Variants in ZNF556 observed in about 807,000 individuals in gnomAD.
ZNF556 encodes the protein zinc finger protein 556.
ZNF556 carries 11 observed loss-of-function variants against 13.6 expected under a neutral mutation model. The observed-to-expected ratio is 0.81, with a 90% CI of 0.51 to 1.33. The LOEUF (loss-of-function observed/expected upper bound fraction) is 1.33. ZNF556 is among the 40% of genes most tolerant of loss of function. The pLI is 0.00. For missense variants in ZNF556, 633 were observed against 566.2 expected, an observed-to-expected ratio of 1.12 and a Z score of -1.20; for synonymous variants, 229 against 207.8, an observed-to-expected ratio of 1.10 and a Z score of -0.88.
intron 1 of ZNF556, among the ~76,000 whole-genome samples, chr19:2,872,165 G>A (rs1008655672): frequency 6.6e-5 from 10 of 151,974 alleles, no homozygotes; most frequent in Non-Finnish European, 1.0e-4. Context: ...GGATAACTGC[G>A]GGCGGGCCTG....
Position 2,867,411 on chromosome 19 carries a change from A to G in ZNF556, c.-11A>G, listed in dbSNP as rs1348565650. On this transcript the variant is annotated 5_prime_UTR_variant, in exon 1 of 4. Coordinates refer to ENST00000307635, the MANE Select transcript of ZNF556 (RefSeq NM_024967.3). ...AGGGAGCTCCTCAAAGAGCTCAGGA[A>G]CGGACAGGACATGGTGAGTGCAGGG... 1.8e-5 allele frequency: 28 copies of G among 1,583,874 alleles called. No homozygotes were observed. In the East Asian group the frequency reaches 6.4e-4, roughly 36 times the overall value.
rs1568355203 is a variant in ZNF556, at chr19:2,878,102, T to C, written c.1144T>C (p.Ser382Pro). Residue 382 changes from serine (S) to proline (P), a missense_variant, in exon 4 of 4, where the codon TCC (serine) becomes CCC (proline). Physicochemically the swap from Ser to Pro is moderately conservative, Grantham distance 74. Transcript: ENST00000307635. The part of the protein sequence containing the change: ...CETCGKTYGW[S>P]SSLHKHERKH... The stretch of plus-strand genomic sequence containing the variant: ...AACGTGTGGGAAAACGTATGGTTGG[T>C]CCTCATCTTTACACAAACATGAGAG... 1 of 1,614,094 alleles carries C rather than the reference T, an allele frequency of 6.2e-7. No homozygotes were observed. The highest frequency in any genetic ancestry group is 2.2e-5 in the East Asian group (1 of 44,878).
chr19:2,872,284 C>G (rs986461631), intron 1 of ZNF556, among the ~76,000 whole-genome samples: 1 of 151,658 alleles, frequency 6.6e-6, no homozygotes, highest in Non-Finnish European at 1.5e-5. Context: ...GGTGTTTTTC[C>G]TTGACACTTA....
chr19:2,873,372 C>A (rs2087821176), intron 1 of ZNF556, 124 bp from the exon 2 acceptor site: 6 of 1,179,980 alleles, frequency 5.1e-6, no homozygotes, highest in Non-Finnish European at 7.2e-6. Flanking sequence ...GGTCTGAGGA[C>A]TGAGTCTTAA....
intron 2 of ZNF556, 106 bp from the exon 3 acceptor site, chr19:2,875,987 A>C: frequency 7.1e-6 from 7 of 989,812 alleles, no homozygotes; most frequent in South Asian, 1.7e-5. Flanking sequence ...TAAATAGATA[A>C]ATAAAATAAA....
chr19:2,873,679 T>G, intron 2 of ZNF556, 57 bp downstream of exon 2: 1 of 1,579,480 alleles, frequency 6.3e-7, no homozygotes, highest in Non-Finnish European at 8.6e-7. Context: ...TTTGTCTGGT[T>G]GCAGTGGTTC....
chr19:2,869,599 C>G (rs1228861401), intron 1 of ZNF556, among the ~76,000 whole-genome samples: 2 of 152,130 alleles, frequency 1.3e-5, no homozygotes, highest in African/African-American at 4.8e-5. Context: ...ATCTCCTGAC[C>G]TCATGATCCG....
intron 1 of ZNF556, among the ~76,000 whole-genome samples, chr19:2,869,378 A>G (rs201116084): frequency 2.0e-5 from 3 of 149,238 alleles, no homozygotes; most frequent in Non-Finnish European, 4.5e-5. Context: ...TAAATTTTTT[A>G]TTTTTTGAGA....
rs752896601 is a variant in ZNF556, at chr19:2,878,692, A to T, written c.*363A>T. ...CTCCATCTCCAAAAAAAGAAAATTC[A>T]TGGCAGGAGAAGAATCTCATGACGT... is the stretch of plus-strand genomic sequence containing the variant. On this transcript the variant is annotated 3_prime_UTR_variant, in exon 4 of 4. Transcript: ENST00000307635. 13 of 172,644 alleles carry T rather than the reference A, an allele frequency of 7.5e-5. No homozygotes were observed. Among genetic ancestry groups the T allele is most frequent in the Non-Finnish European group, 1.4e-4 (11 of 80,098 alleles). The allele number at this position is 172,644 out of a possible 1,614,324, so 10.7% of individuals were successfully genotyped here.
rs762632819 is a variant in ZNF556, at chr19:2,882,923, C to CA, written c.*4596dup. 2 of 152,190 alleles carry CA rather than the reference C, an allele frequency of 1.3e-5. No homozygotes were observed. Among genetic ancestry groups the CA allele is most frequent in the East Asian group, 3.8e-4 (2 of 5,196 alleles). 9.4% of individuals were successfully genotyped at this position (152,190 alleles called of 1,614,324 possible). A position where few individuals can be genotyped will look rare whatever the true frequency, so the allele number is the denominator to read the frequency against. On this transcript the variant is annotated 3_prime_UTR_variant, in exon 4 of 4. Transcript: ENST00000307635. ...AGGTACTTCATCTGGATTTGAACCA[C>CA]AATGTGGGTGTTTGTTTTTAATACC...
In ZNF556 at chr19:2,877,762, C is replaced by G; in HGVS notation, c.804C>G (p.Phe268Leu). ...PYECKHCGKA[F>L]RCQKSFRVHM... ...AGTGCAAGCACTGTGGGAAAGCCTT[C>G]AGGTGTCAGAAATCCTTTCGAGTCC... is the stretch of plus-strand genomic sequence containing the variant. The change falls in exon 4 of 4, where the codon TTC becomes TTG. Residue 268 changes from phenylalanine to leucine, a missense_variant. Transcript: ENST00000307635. 6.2e-7 allele frequency: 1 copy of G among 1,613,582 alleles called. No individual in the cohort carries two copies. The highest frequency in any genetic ancestry group is 8.5e-7 in the Non-Finnish European group (1 of 1,179,708).
In ZNF556 at chr19:2,881,281, C is replaced by T. The variant is rs991768592; in HGVS notation, c.*2952C>T. 2 of 152,112 alleles carry T rather than the reference C, an allele frequency of 1.3e-5. No individual in the cohort carries two copies. Among genetic ancestry groups the T allele is most frequent in the African/African-American group, 2.4e-5 (1 of 41,408 alleles). The allele number at this position is 152,112 out of a possible 1,614,324, so 9.4% of individuals were successfully genotyped here. A position where few individuals can be genotyped will look rare whatever the true frequency, so the allele number is the denominator to read the frequency against. ...AGATAACTAATAAAACAAGTTTAAACTTTATTGGAGCCCAGTAGCAATGGC... is the reference window on the plus strand; with the variant it reads ...AGATAACTAATAAAACAAGTTTAAATTTTATTGGAGCCCAGTAGCAATGGC... On this transcript the variant is annotated 3_prime_UTR_variant, in exon 4 of 4. Coordinates refer to ENST00000307635, the MANE Select transcript of ZNF556 (RefSeq NM_024967.3).
At chr19:2,868,209 T>C (rs954229222) in intron 1 of ZNF556, among the ~76,000 whole-genome samples, 1 of 152,126 alleles carries the variant, frequency 6.6e-6, no homozygotes, top group Non-Finnish European at 1.5e-5. Flanking sequence ...GGCTTAGCCC[T>C]TGACGGGGCT....
In ZNF556 at chr19:2,880,052, A is replaced by T. The variant is rs936356369; in HGVS notation, c.*1723A>T. 7.3e-5 allele frequency: 11 copies of T among 150,828 alleles called. No individual in the cohort carries two copies. Among genetic ancestry groups the T allele is most frequent in the Non-Finnish European group, 1.6e-4 (11 of 67,664 alleles). 9.3% of individuals were successfully genotyped at this position (150,828 alleles called of 1,614,324 possible). ...CTCAAAAATAAATAAATAAAGAATA[A>T]TTTTTTAAAAAAGCACAGGGGATTG... On this transcript the variant is annotated 3_prime_UTR_variant, in exon 4 of 4. Transcript: ENST00000307635.
chr19:2,868,864 A>G (rs2087779230), intron 1 of ZNF556, among the ~76,000 whole-genome samples: 1 of 151,150 alleles, frequency 6.6e-6, no homozygotes, highest in Admixed American at 6.6e-5. Context: ...GATTACAGGC[A>G]CGTGTGGCCA....
chr19:2,877,718 G>A lies in ZNF556; in HGVS notation c.760G>A (p.Ala254Thr), dbSNP rs771188730. ...CTTTCGCGCACATGTGATGATGCAC[G>A]CCGGAGGGAGACCGTATGAGTGCAA... is the stretch of plus-strand genomic sequence containing the variant. ...KSFRAHVMMH[A>T]GGRPYECKHC... Residue 254 changes from alanine to threonine, a missense_variant, in exon 4 of 4, where the codon GCC (alanine) becomes ACC (threonine). By Grantham distance (58) the Ala-to-Thr change is moderately conservative (BLOSUM62 0). Coordinates refer to ENST00000307635, the MANE Select transcript of ZNF556 (RefSeq NM_024967.3). 3.3e-5 allele frequency: 54 copies of A among 1,613,380 alleles called. No individual in the cohort carries two copies. Among genetic ancestry groups the A allele is most frequent in the East Asian group, 4.5e-5 (2 of 44,810 alleles).
In ZNF556 at chr19:2,882,531, AGTGTGTGTGTGTGT is replaced by A. The variant is rs1555726894; in HGVS notation, c.*4224_*4237del. Reference sequence around the variant, plus strand: ...ATACATTTTATATATATATATATATAGTGTGTGTGTGTGTGTGTGTGTGTGTGTGTGTGTGAATG... The same window carrying A: ...ATACATTTTATATATATATATATATAGTGTGTGTGTGTGTGTGTGTGAATG... On this transcript the variant is annotated 3_prime_UTR_variant, in exon 4 of 4. Coordinates refer to ENST00000307635, the MANE Select transcript of ZNF556 (RefSeq NM_024967.3). 3.8e-4 allele frequency: 49 copies of A among 127,722 alleles called. No homozygotes were observed. Among genetic ancestry groups the A allele is most frequent in the African/African-American group, 1.4e-3 (45 of 32,990 alleles). 7.9% of individuals were successfully genotyped at this position (127,722 alleles called of 1,614,324 possible).
rs181113809 is a variant in ZNF556, at chr19:2,878,232, G to C, written c.1274G>C (p.Ser425Thr). The change falls in exon 4 of 4, where the codon AGT becomes ACT. Residue 425 changes from serine (S) to threonine (T), a missense_variant. By Grantham distance (58) the Ser-to-Thr change is moderately conservative. Transcript: ENST00000307635. Reference sequence around the variant, plus strand: ...AGAACGCAGATTGGACAGAAGCCCAGTAAATGCGAAAAATGTGGGAAAGCT... The same window carrying C: ...AGAACGCAGATTGGACAGAAGCCCACTAAATGCGAAAAATGTGGGAAAGCT... ...NVRTQIGQKP[S>T]KCEKCGKAFS... 3 of 1,614,140 alleles carry C rather than the reference G, an allele frequency of 1.9e-6. No individual in the cohort carries two copies. In the East Asian group the frequency reaches 6.7e-5, roughly 36 times the overall value.
intron 3 of ZNF556, among the ~76,000 whole-genome samples, 172 bp downstream of exon 3, chr19:2,876,448 G>A (rs185126879): frequency 2.0e-4 from 31 of 152,132 alleles, no homozygotes; most frequent in African/African-American, 5.5e-4. Context: ...AAATGGGCGC[G>A]GTGGCTCACA....
Sources: allele counts gnomAD v4.1 joint callset (sites outside exome capture counted in the v4.1 genomes callset), GRCh38; gene constraint gnomAD v4.1.1; transcripts MANE v1.5; gene names NCBI Gene and HGNC (gene_info 2026-07-23, HGNC 2026-07-21).